TBXAS1: variants seen among roughly 807,000 people sequenced by gnomAD.
The protein encoded by TBXAS1 is thromboxane-A synthase.
A neutral mutation model predicts 60.7 loss-of-function variants in TBXAS1; 48 were observed. The observed-to-expected ratio is 0.79, with a 90% CI of 0.63 to 1.01. The LOEUF is 1.01. TBXAS1 is among the 50% of genes least tolerant of loss of function. The probability of loss-of-function intolerance (pLI) is 0.00; values close to 1 mark genes in which losing one functional copy is unlikely to be tolerated. For synonymous variants in TBXAS1, 287 were observed against 269.7 expected (o/e 1.06, Z -0.63); for missense variants, 685 against 686.3 (o/e 1.00, Z 0.02).
At chr7:139,802,660 C>G (rs1462316126) in intron 4 of TBXAS1, among the ~76,000 whole-genome samples, 2 of 152,132 alleles carry the variant, frequency 1.3e-5, no homozygotes, top group Non-Finnish European at 2.9e-5. Flanking sequence ...TGGCGTGTGC[C>G]TGTAATCACA....
chr7:139,783,351 C>A (rs1463094308), intron 3 of TBXAS1, among the ~76,000 whole-genome samples: 207 of 136,620 alleles, frequency 1.5e-3, no homozygotes, highest in African/African-American at 1.8e-3. Flanking sequence ...GGAAATATGG[C>A]AAAAAAAAAA....
chr7:139,792,839 A>T (rs187510993), intron 4 of TBXAS1, among the ~76,000 whole-genome samples: 1 of 152,352 alleles, frequency 6.6e-6, no homozygotes, highest in Admixed American at 6.5e-5. Context: ...TGCACTTTTA[A>T]AGTCATAACT....
At chr7:140,019,902 T>A in intron 12 of TBXAS1, 123 bp from the exon 13 acceptor site, 1 of 897,324 alleles carries the variant, frequency 1.1e-6, no homozygotes, top group Non-Finnish European at 1.8e-6. Context: ...GGGGCTTTGC[T>A]CTCTGCTTTC....
At chr7:139,914,030 T>TA (rs1805761671) in intron 4 of TBXAS1, 1 of 130,420 alleles carries the variant, frequency 7.7e-6, no homozygotes, top group East Asian at 2.1e-4. Context: ...AGCACATATC[T>TA]TTTTTTTTTT....
At chr7:139,903,016 T>C (rs910391788) in intron 3 of TBXAS1, among the ~76,000 whole-genome samples, 2 of 152,074 alleles carry the variant, frequency 1.3e-5, no homozygotes, top group Non-Finnish European at 1.5e-5. Context: ...TTAGTGGTGA[T>C]TTCTGAGATT....
chr7:139,889,823 T>C (rs912592858), intron 3 of TBXAS1, among the ~76,000 whole-genome samples: 3 of 152,194 alleles, frequency 2.0e-5, no homozygotes, highest in Non-Finnish European at 4.4e-5. Flanking sequence ...TACTGTCATC[T>C]GGGGGTTTAA....
chr7:139,988,021 G>A (rs1217587116), intron 9 of TBXAS1, among the ~76,000 whole-genome samples: 1 of 152,198 alleles, frequency 6.6e-6, no homozygotes, highest in Non-Finnish European at 1.5e-5. Flanking sequence ...AACAATCACA[G>A]CATCCTATGG....
At chr7:139,882,440 A>G (rs779297615) in intron 3 of TBXAS1, among the ~76,000 whole-genome samples, 1 of 152,168 alleles carries the variant, frequency 6.6e-6, no homozygotes, top group Non-Finnish European at 1.5e-5. Context: ...AGAATCATAG[A>G]TGTTGAAGAA....
intron 12 of TBXAS1, 27 bp from the exon 13 acceptor site, chr7:140,019,998 C>T (rs968919450): frequency 2.5e-6 from 4 of 1,601,120 alleles, no homozygotes; most frequent in Admixed American, 1.7e-5. Context: ...ATCTCTTTGA[C>T]AAATATTTTA....
intron 4 of TBXAS1, among the ~76,000 whole-genome samples, chr7:139,805,712 T>TTTC (rs1554466261): frequency 2.3e-5 from 1 of 44,354 alleles, no homozygotes; most frequent in Admixed American, 2.3e-4. Flanking sequence ...CTTTCTTTCT[T>TTTC]TCTCTCTCTC....
chr7:139,856,438 A>T (rs1407175861), intron 1 of TBXAS1, among the ~76,000 whole-genome samples: 1 of 152,152 alleles, frequency 6.6e-6, no homozygotes, highest in Non-Finnish European at 1.5e-5. Flanking sequence ...TGGAAGAGGG[A>T]TGAGGTTCAT....
rs200117799 is a variant in TBXAS1 at position 140,007,077 on chromosome 7, G to C, written c.1135-14G>C. The C allele has an allele frequency of 6.2e-7, 1 of 1,612,724 alleles. No individual in the cohort carries two copies. Among genetic ancestry groups the C allele is most frequent in the Admixed American group, 1.7e-5 (1 of 60,018 alleles). On this transcript the variant is annotated splice_polypyrimidine_tract_variant and intron_variant, in intron 9 of 12. Coordinates refer to ENST00000448866, the MANE Select transcript of TBXAS1 (RefSeq NM_001061.7). Reference sequence around the variant, plus strand: ...TAACACGAACTTCTCCCTTTGTCACGACCCCTCCATCAGATGGCCCCTGAG... The same window carrying C: ...TAACACGAACTTCTCCCTTTGTCACCACCCCTCCATCAGATGGCCCCTGAG...
chr7:139,835,956 A>G (rs1392172084), intron 1 of TBXAS1, among the ~76,000 whole-genome samples: 1 of 152,056 alleles, frequency 6.6e-6, no homozygotes, highest in Non-Finnish European at 1.5e-5. Context: ...ACATCCACAC[A>G]TCAGTAGCTC....
rs746649977 is a variant in TBXAS1 at position 139,940,986 on chromosome 7, TAC to T, written c.450+4683_450+4684del. On this transcript the variant is annotated intron_variant, in intron 5 of 12. Transcript: ENST00000448866. ...TCCTTTAGAGAGTCACCAATATATA[TAC>T]ACATATACGTATACACATACAAAAA... is the stretch of plus-strand genomic sequence containing the variant. 9.0e-3 allele frequency among the ~76,000 whole-genome samples: 1,241 copies of T among 138,056 alleles called. 13 individuals are homozygous for T. The highest frequency in any genetic ancestry group is 0.043 in the South Asian group (188 of 4,330). 90.6% of individuals were successfully genotyped at this position (138,056 alleles called of 152,430 possible). A position where few individuals can be genotyped will look rare whatever the true frequency, so the allele number is the denominator to read the frequency against.
Position 139,875,878 on chromosome 7 carries a change from T to G in TBXAS1, c.236+241T>G, listed in dbSNP as rs577830173. On this transcript the variant is annotated intron_variant, in intron 3 of 12. Transcript: ENST00000448866. Reference sequence around the variant, plus strand: ...CCTGAAAGAGTACCACTTTCCAGCCTTTGCAGCCTTGCTGGGCTGGGCACA... The same window carrying G: ...CCTGAAAGAGTACCACTTTCCAGCCGTTGCAGCCTTGCTGGGCTGGGCACA... 4 of 560,166 alleles carry G rather than the reference T, an allele frequency of 7.1e-6. No homozygotes were observed. The East Asian group carries it at 1.3e-4, about 18-fold the overall frequency. 34.7% of individuals were successfully genotyped at this position (560,166 alleles called of 1,614,324 possible).
At chr7:140,009,488 G>A (rs981526951) in intron 10 of TBXAS1, among the ~76,000 whole-genome samples, 1 of 152,070 alleles carries the variant, frequency 6.6e-6, no homozygotes, top group Non-Finnish European at 1.5e-5. Flanking sequence ...AGGGAGGAGC[G>A]CCGGCACTGG....
intron 1 of TBXAS1, among the ~76,000 whole-genome samples, chr7:139,857,201 G>A (rs912724255): frequency 2.6e-5 from 4 of 152,160 alleles, no homozygotes; most frequent in African/African-American, 9.7e-5. Context: ...GCTTCCGTGG[G>A]ATGCTACATC....
At chr7:139,900,500 G>A (rs554629616) in intron 3 of TBXAS1, among the ~76,000 whole-genome samples, 1 of 152,198 alleles carries the variant, frequency 6.6e-6, no homozygotes, top group Non-Finnish European at 1.5e-5. Context: ...AGCTTTGAGA[G>A]GCAGAATGGC....
At chr7:139,835,161 G>A (rs1352461685) in intron 1 of TBXAS1, among the ~76,000 whole-genome samples, 2 of 151,674 alleles carry the variant, frequency 1.3e-5, no homozygotes, top group Non-Finnish European at 2.9e-5. Context: ...CTGCCTCCCG[G>A]GTTCATGCCA....
Sources: allele counts gnomAD v4.1 joint callset (sites outside exome capture counted in the v4.1 genomes callset), GRCh38; gene constraint gnomAD v4.1.1; transcripts MANE v1.5; gene names NCBI Gene and HGNC (gene_info 2026-07-23, HGNC 2026-07-21).